TRHDE: variants seen among roughly 807,000 people sequenced by gnomAD.
TRHDE encodes the protein thyrotropin releasing hormone degrading enzyme, also known as thyrotropin-releasing hormone-degrading ectoenzyme.
A neutral mutation model predicts 125.7 loss-of-function variants in TRHDE; 72 were observed. The observed-to-expected ratio is 0.57, with a 90% CI of 0.47 to 0.70. The LOEUF is 0.70. TRHDE is among the 30% of genes least tolerant of loss of function. The pLI, the probability that TRHDE is intolerant of heterozygous loss-of-function variation, is 0.00. For missense variants in TRHDE, 1,110 were observed against 1,327.1 expected, an observed-to-expected ratio of 0.84 and a Z score of 2.54; for synonymous variants, 509 against 509.1, an observed-to-expected ratio of 1.00 and a Z score of 0.00.
intron 1 of TRHDE, among the ~76,000 whole-genome samples, chr12:72,282,718 C>A (rs899596363): frequency 1.3e-5 from 2 of 152,330 alleles, no homozygotes; most frequent in Admixed American, 6.5e-5. Context: ...TCAACTCACT[C>A]ATTTCTCCAT....
At chr12:72,208,581 A>G (rs1252525403) in intron 2 of TRHDE, among the ~76,000 whole-genome samples, 1 of 152,184 alleles carries the variant, frequency 6.6e-6, no homozygotes, top group African/African-American at 2.4e-5. Flanking sequence ...TACTACTTAT[A>G]TGATTTGGGT....
chr12:72,461,178 G>A (rs1236661553), intron 3 of TRHDE, among the ~76,000 whole-genome samples: 2 of 152,158 alleles, frequency 1.3e-5, no homozygotes, highest in Non-Finnish European at 2.9e-5. Context: ...CCCACAATGT[G>A]TAGCTGAAAC....
At position 72,356,284 on chromosome 12, in the gene TRHDE, G is replaced by A. The variant is rs115290852; in HGVS notation, c.1189-21711G>A. ...CCATCATCTTTAGCAAACTAATGCAGGAACACAAAACCAAATACCACATCT... is the reference window on the plus strand; with the variant it reads ...CCATCATCTTTAGCAAACTAATGCAAGAACACAAAACCAAATACCACATCT... On this transcript the variant is annotated intron_variant, in intron 2 of 18. Transcript: ENST00000261180. Among the ~76,000 whole-genome samples, 920 of 151,624 alleles carry A rather than the reference G, an allele frequency of 6.1e-3. 6 individuals are homozygous for A. Among genetic ancestry groups the A allele is most frequent in the African/African-American group, 0.021 (883 of 41,438 alleles).
intron 5 of TRHDE, among the ~76,000 whole-genome samples, chr12:72,481,668 TAG>T (rs1180804133): frequency 1.3e-5 from 2 of 151,878 alleles, no homozygotes. Flanking sequence ...ATATTTTTGC[TAG>T]AACATGTTTT....
intron 2 of TRHDE, among the ~76,000 whole-genome samples, chr12:72,345,997 T>G (rs377345088): frequency 8.0e-6 from 1 of 125,046 alleles, no homozygotes; most frequent in East Asian, 2.0e-4. Flanking sequence ...AAATCCACTA[T>G]TTTTCTATTA....
At chr12:72,323,413 T>A (rs1680890432) in intron 2 of TRHDE, among the ~76,000 whole-genome samples, 1 of 152,122 alleles carries the variant, frequency 6.6e-6, no homozygotes, top group Admixed American at 6.6e-5. Context: ...CTGTTGGTAA[T>A]GAAAGTTGTT....
chr12:72,545,647 C>T (rs2135991489), intron 7 of TRHDE, among the ~76,000 whole-genome samples: 1 of 151,604 alleles, frequency 6.6e-6, no homozygotes, highest in African/African-American at 2.4e-5. Flanking sequence ...ACATATAGAA[C>T]TATAACTGTA....
chr12:72,434,722 G>C (rs1428480769), intron 3 of TRHDE, among the ~76,000 whole-genome samples: 3 of 152,110 alleles, frequency 2.0e-5, no homozygotes, highest in Non-Finnish European at 2.9e-5. Flanking sequence ...GGCTATATCT[G>C]TCTTCAGGAA....
At position 72,273,571 on chromosome 12, in the gene TRHDE, C is replaced by T. The variant is rs1879350482; in HGVS notation, c.914+14C>T. ...CGGGGAGAGAAGGTATGGAGGGAGG[C>T]GGTGCCCCGCGCTGCCCCACCCCGG... is the stretch of plus-strand genomic sequence containing the variant. On this transcript the variant is annotated intron_variant, in intron 1 of 18. Coordinates refer to ENST00000261180, the MANE Select transcript of TRHDE (RefSeq NM_013381.3). This position sits in a 1 kb window ranked among gnomAD's most constrained non-coding sequence, Gnocchi z 5.3. 1.3e-6 allele frequency: 2 copies of T among 1,567,900 alleles called. No individual in the cohort carries two copies. The highest frequency in any genetic ancestry group is 1.7e-6 in the Non-Finnish European group (2 of 1,158,258).
At chr12:72,608,552 G>A (rs1233390726) in intron 12 of TRHDE, among the ~76,000 whole-genome samples, 1 of 152,158 alleles carries the variant, frequency 6.6e-6, no homozygotes. Context: ...TGGATGAAAT[G>A]CTAAAGGAAT....
chr12:72,586,525 C>T (rs899627391), intron 12 of TRHDE, among the ~76,000 whole-genome samples: 3 of 152,076 alleles, frequency 2.0e-5, no homozygotes, highest in Non-Finnish European at 4.4e-5. Context: ...ACTATGTCAA[C>T]GCTTGCTTAA....
intron 3 of TRHDE, among the ~76,000 whole-genome samples, chr12:72,407,984 A>G (rs534601046): frequency 6.6e-6 from 1 of 152,292 alleles, no homozygotes; most frequent in African/African-American, 2.4e-5. Flanking sequence ...ATAAAGAAAT[A>G]TTTATGTCTT....
At chr12:72,501,650 T>G (rs1408644097) in intron 6 of TRHDE, among the ~76,000 whole-genome samples, 1 of 152,154 alleles carries the variant, frequency 6.6e-6, no homozygotes, top group Non-Finnish European at 1.5e-5. Flanking sequence ...GTATGTAATT[T>G]TCTTTCTTGT....
intron 2 of TRHDE, among the ~76,000 whole-genome samples, chr12:72,184,977 G>A (rs1404304641): frequency 6.6e-6 from 1 of 152,182 alleles, no homozygotes; most frequent in Non-Finnish European, 1.5e-5. Flanking sequence ...TGCACTGTGG[G>A]AGCCCCTTTC....
At chr12:72,123,677 T>C (rs1002140127) in intron 2 of TRHDE, among the ~76,000 whole-genome samples, 2 of 152,144 alleles carry the variant, frequency 1.3e-5, no homozygotes, top group Admixed American at 6.6e-5. Context: ...TAAGGTATAA[T>C]TTTATACAAT....
intron 2 of TRHDE, among the ~76,000 whole-genome samples, chr12:72,309,241 G>T (rs1176309086): frequency 2.0e-5 from 3 of 152,144 alleles, no homozygotes; most frequent in African/African-American, 7.2e-5. Context: ...GAGAAACAAA[G>T]AAGAGGTGAA....
intron 5 of TRHDE, among the ~76,000 whole-genome samples, chr12:72,498,851 C>T (rs2135934822): frequency 6.6e-6 from 1 of 152,180 alleles, no homozygotes; most frequent in East Asian, 1.9e-4. Flanking sequence ...TTGATCTCTA[C>T]TTTATGTCCA....
intron 2 of TRHDE, among the ~76,000 whole-genome samples, chr12:72,106,634 A>G (rs1051638705): frequency 1.3e-5 from 2 of 152,132 alleles, no homozygotes; most frequent in East Asian, 1.9e-4. Flanking sequence ...TGAAACCTTG[A>G]CTATTTATAA....
chr12:72,224,430 A>G (rs1199927664), intron 2 of TRHDE, among the ~76,000 whole-genome samples: 4 of 152,056 alleles, frequency 2.6e-5, no homozygotes, highest in Admixed American at 6.6e-5. Flanking sequence ...TGATCTCTCA[A>G]TATTATATCC....
Sources: allele counts gnomAD v4.1 joint callset (sites outside exome capture counted in the v4.1 genomes callset), GRCh38; gene constraint gnomAD v4.1.1; non-coding constraint Gnocchi (gnomAD v3.1); transcripts MANE v1.5; gene names NCBI Gene and HGNC (gene_info 2026-07-23, HGNC 2026-07-21).